The following AHCYL2 variants were observed in gnomAD, a reference collection of about 807,000 sequenced individuals.
AHCYL2 encodes the protein S-adenosylhomocysteine hydrolase-like protein 2.
Under a neutral mutation model 81.4 loss-of-function variants are expected in AHCYL2, and 28 were observed. The ratio of observed to expected loss-of-function variants is 0.34; its 90% CI spans 0.25 to 0.47. The LOEUF (loss-of-function observed/expected upper bound fraction) is 0.47, where lower values mean the gene tolerates loss of function less well. Among genes scored for constraint, AHCYL2 ranks in the 20% least tolerant of loss-of-function variants. The pLI, the probability that AHCYL2 is intolerant of heterozygous loss-of-function variation, is 1.00. For missense variants in AHCYL2, 551 were observed against 785.1 expected (o/e 0.70, Z 3.56); for synonymous variants, 272 against 290.2 (o/e 0.94, Z 0.64).
At position 129,419,485 on chromosome 7, in the gene AHCYL2, C is replaced by T. The variant is rs949166702; in HGVS notation, c.1462-3355C>T. Among the ~76,000 whole-genome samples, 14 of 152,038 alleles carry T rather than the reference C, an allele frequency of 9.2e-5. No homozygotes were observed. The highest frequency in any genetic ancestry group is 2.9e-4 in the African/African-American group (12 of 41,386). ...AGGAGAATCGCCTGAACCCGGGAGGCGGAGGTTGCAGTGAGCCAAGATCAC... is the reference window on the plus strand; with the variant it reads ...AGGAGAATCGCCTGAACCCGGGAGGTGGAGGTTGCAGTGAGCCAAGATCAC... On this transcript the variant is annotated intron_variant, in intron 12 of 16. Transcript: ENST00000325006. The surrounding 1 kb of genome is among the most constrained non-coding windows in gnomAD (Gnocchi z 4.7).
intron 1 of AHCYL2, among the ~76,000 whole-genome samples, chr7:129,245,523 C>G (rs188694916): frequency 6.6e-6 from 1 of 152,160 alleles, no homozygotes; most frequent in Non-Finnish European, 1.5e-5. Context: ...CTTCCTCCCC[C>G]AGCCCCTGGA....
rs1352054154 is a variant in AHCYL2 at position 129,427,695 on chromosome 7, C to T, written c.*650C>T. On this transcript the variant is annotated 3_prime_UTR_variant, in exon 17 of 17. Transcript: ENST00000325006. The surrounding 1 kb of genome is among the most constrained non-coding windows in gnomAD (Gnocchi z 5.5). Reference sequence around the variant, plus strand: ...TTGAATATTTATGTCCATTTTAACACTTCCTGGTTGCAAGAGGGATGTGCC... The same window carrying T: ...TTGAATATTTATGTCCATTTTAACATTTCCTGGTTGCAAGAGGGATGTGCC... 2.6e-5 allele frequency: 4 copies of T among 152,670 alleles called. No individual in the cohort carries two copies. The highest frequency in any genetic ancestry group is 5.9e-5 in the Non-Finnish European group (4 of 68,082). The allele number at this position is 152,670 out of a possible 1,614,324, so 9.5% of individuals were successfully genotyped here.
At chr7:129,319,253 C>T (rs1175667234) in intron 1 of AHCYL2, among the ~76,000 whole-genome samples, 2 of 151,990 alleles carry the variant, frequency 1.3e-5, no homozygotes. Context: ...GTCAGGAGTT[C>T]AAGACCAACC....
chr7:129,388,924 G>T, intron 2 of AHCYL2, 132 bp from the exon 3 acceptor site: 4 of 904,114 alleles, frequency 4.4e-6, no homozygotes, highest in Non-Finnish European at 6.6e-6. Context: ...TGTATAGCCT[G>T]CAGGTACTTA....
chr7:129,386,385 C>T (rs530548509), intron 2 of AHCYL2, among the ~76,000 whole-genome samples: 53 of 152,032 alleles, frequency 3.5e-4, no homozygotes, highest in African/African-American at 1.2e-3. Context: ...ATTGCTTGAA[C>T]CCAGGAGGCG....
At chr7:129,424,690 C>T in intron 13 of AHCYL2, 184 bp from the exon 14 acceptor site, 1 of 617,328 alleles carries the variant, frequency 1.6e-6, no homozygotes, top group Non-Finnish European at 2.9e-6. Context: ...TCAGATTTTC[C>T]AGAATTTTAG....
intron 2 of AHCYL2, among the ~76,000 whole-genome samples, chr7:129,382,656 A>G (rs1795015497): frequency 6.6e-6 from 1 of 152,130 alleles, no homozygotes; most frequent in African/African-American, 2.4e-5. Context: ...CTATAATCCC[A>G]GCACTTTGGG....
intron 5 of AHCYL2, among the ~76,000 whole-genome samples, chr7:129,397,862 C>T (rs1217905067): frequency 2.0e-5 from 3 of 152,224 alleles, no homozygotes; most frequent in African/African-American, 7.2e-5. Context: ...ACAGCTAGCA[C>T]TCTCAGCATT....
chr7:129,411,541 C>T (rs1681724813), intron 11 of AHCYL2, among the ~76,000 whole-genome samples: 1 of 152,118 alleles, frequency 6.6e-6, no homozygotes, highest in Non-Finnish European at 1.5e-5. Context: ...GGGTGGACCA[C>T]CTGAGGTCAG....
chr7:129,338,965 G>A (rs1023202937), intron 1 of AHCYL2, among the ~76,000 whole-genome samples: 1 of 152,100 alleles, frequency 6.6e-6, no homozygotes, highest in Non-Finnish European at 1.5e-5. Context: ...CTTTGTGTTC[G>A]GATCTCACTT....
At chr7:129,389,858 A>C (rs1795383791) in intron 4 of AHCYL2, 124 bp downstream of exon 4, 1 of 684,994 alleles carries the variant, frequency 1.5e-6, no homozygotes, top group Non-Finnish European at 2.3e-6. Context: ...TAATCCTTAT[A>C]ATGGCCATAT....
chr7:129,379,384 G>A (rs1794842369), intron 1 of AHCYL2, among the ~76,000 whole-genome samples: 1 of 151,766 alleles, frequency 6.6e-6, no homozygotes, highest in African/African-American at 2.4e-5. Flanking sequence ...TGTAGTCCCA[G>A]CTGTGTGAGA....
chr7:129,397,091 G>C, intron 4 of AHCYL2, 131 bp from the exon 5 acceptor site: 1 of 710,502 alleles, frequency 1.4e-6, no homozygotes. Context: ...AGGTTCTGTA[G>C]AGCCCAATTT....
intron 1 of AHCYL2, among the ~76,000 whole-genome samples, chr7:129,304,027 C>T (rs1468868871): frequency 1.3e-5 from 2 of 151,848 alleles, no homozygotes; most frequent in Non-Finnish European, 1.5e-5. Context: ...CTGGAGGTTG[C>T]ATTGAGCTGA....
chr7:129,295,418 A>G (rs1185331875), intron 1 of AHCYL2, among the ~76,000 whole-genome samples: 2 of 152,218 alleles, frequency 1.3e-5, no homozygotes, highest in African/African-American at 2.4e-5. Context: ...GTTTAAGTTC[A>G]GGGAATAGTC....
rs1332322029 is a variant in AHCYL2, at chr7:129,225,229, G to C, written c.153G>C (p.Glu51Asp). Residue 51 changes from glutamate (E) to aspartate (D), a missense_variant, in exon 1 of 17, where the codon GAG becomes GAC. This residue lies in a region of AHCYL2 where 235 missense variants were observed against 242.1 expected (regional missense o/e 0.97). Transcript: ENST00000325006. ...MAPPAGGGDP[E>D]APAPAAERPP... ...CCCCGGCGGGCGGTGGAGACCCTGA[G>C]GCTCCAGCTCCCGCCGCGGAGCGGC... 6.7e-7 allele frequency: 1 copy of C among 1,497,928 alleles called. No individual in the cohort carries two copies. Among genetic ancestry groups the C allele is most frequent in the Non-Finnish European group, 8.8e-7 (1 of 1,131,108 alleles). 92.8% of individuals were successfully genotyped at this position (1,497,928 alleles called of 1,614,324 possible).
chr7:129,259,253 A>T (rs1305810382), intron 1 of AHCYL2, among the ~76,000 whole-genome samples: 1 of 152,196 alleles, frequency 6.6e-6, no homozygotes, highest in Non-Finnish European at 1.5e-5. Context: ...GATTTGGCTT[A>T]TGGTGGAACA....
At chr7:129,264,840 G>T (rs531823418) in intron 1 of AHCYL2, among the ~76,000 whole-genome samples, 68 of 152,234 alleles carry the variant, frequency 4.5e-4, no homozygotes, top group Non-Finnish European at 7.9e-4. Flanking sequence ...CTAGCAGAAC[G>T]CTAGGCAATA....
At chr7:129,384,125 AAATT>A (rs777464314) in intron 2 of AHCYL2, among the ~76,000 whole-genome samples, 1 of 151,994 alleles carries the variant, frequency 6.6e-6, no homozygotes, top group Non-Finnish European at 1.5e-5. Flanking sequence ...TGTCAATTAA[AAATT>A]AATTCATTAA....
Sources: allele counts gnomAD v4.1 joint callset (sites outside exome capture counted in the v4.1 genomes callset), GRCh38; gene constraint gnomAD v4.1.1; regional missense constraint gnomAD v4.1.1; non-coding constraint Gnocchi (gnomAD v3.1); transcripts MANE v1.5; gene names NCBI Gene and HGNC (gene_info 2026-07-23, HGNC 2026-07-21).